DIAPH2: variants seen among roughly 807,000 people sequenced by gnomAD.
DIAPH2 encodes diaphanous related formin 2, also known as protein diaphanous homolog 2.
A neutral mutation model predicts 92.7 loss-of-function variants in DIAPH2; 35 were observed. That is an observed-to-expected ratio of 0.38 (90% CI 0.29 to 0.50). The LOEUF (loss-of-function observed/expected upper bound fraction) is 0.50. DIAPH2 is among the 20% of genes least tolerant of loss of function. The probability of loss-of-function intolerance (pLI) is 0.94; values close to 1 mark genes in which losing one functional copy is unlikely to be tolerated. For missense variants in DIAPH2, 701 were observed against 819.5 expected (o/e 0.86, Z 1.77); for synonymous variants, 301 against 280.4 (o/e 1.07, Z -0.73).
intron 17 of DIAPH2, among the ~76,000 whole-genome samples, chrX:97,013,331 G>A (rs1245279705): frequency 9.0e-6 from 1 of 111,573 alleles, no homozygotes; most frequent in African/African-American, 3.3e-5. Context: ...CTCTCCAACT[G>A]AAAACTGACA....
chrX:97,375,319 C>T (rs926412397), intron 24 of DIAPH2, among the ~76,000 whole-genome samples: 1 of 110,841 alleles, frequency 9.0e-6, no homozygotes, highest in Non-Finnish European at 1.9e-5. Context: ...ACCTGGGCGT[C>T]GTGGTGGGCA....
At chrX:96,722,077 C>T (rs185322265) in intron 1 of DIAPH2, among the ~76,000 whole-genome samples, 2 of 111,687 alleles carry the variant, frequency 1.8e-5, no homozygotes, top group Admixed American at 9.5e-5. Context: ...GACTCTTGGC[C>T]GGGCACAGTG....
At chrX:96,884,224 G>T in intron 5 of DIAPH2, 2 of 813,382 alleles carry the variant, frequency 2.5e-6, no homozygotes, top group East Asian at 6.6e-5. Context: ...TGGAGAGCTC[G>T]AAGCCTTCTG....
At chrX:96,869,669 T>A (rs1054162324) in intron 4 of DIAPH2, among the ~76,000 whole-genome samples, 6 of 110,481 alleles carry the variant, frequency 5.4e-5, no homozygotes, top group African/African-American at 2.0e-4. Flanking sequence ...GCTTGAATAA[T>A]TTAGGTGAAC....
intron 23 of DIAPH2, among the ~76,000 whole-genome samples, chrX:97,251,566 G>A (rs986710574): frequency 9.1e-6 from 1 of 110,413 alleles, no homozygotes; most frequent in African/African-American, 3.3e-5. Context: ...TGGGAATACA[G>A]GCACACGCCA....
chrX:97,488,408 T>G (rs1264463095), intron 26 of DIAPH2, among the ~76,000 whole-genome samples: 1 of 112,240 alleles, frequency 8.9e-6, no homozygotes, highest in Non-Finnish European at 1.9e-5. Flanking sequence ...TTTTGTAAAT[T>G]GCCTTTTCAT....
chrX:97,583,140 T>C lies in DIAPH2; in HGVS notation c.3242-16113T>C, dbSNP rs187588249. Among the ~76,000 whole-genome samples the C allele has an allele frequency of 4.0e-3, 449 of 111,751 alleles. 6 individuals are homozygous for C. Among genetic ancestry groups the C allele is most frequent in the African/African-American group, 0.014 (426 of 30,783 alleles). ...TTGAATATCCTCCCGTAGCTCAGAG[T>C]AATTTGATCGTCTGAAGTCTTCTTC... is the stretch of plus-strand genomic sequence containing the variant. On this transcript the variant is annotated intron_variant, in intron 26 of 26. Coordinates refer to ENST00000324765, the MANE Select transcript of DIAPH2 (RefSeq NM_006729.5).
chrX:97,182,098 A>G (rs768429461), intron 22 of DIAPH2, among the ~76,000 whole-genome samples: 1 of 111,593 alleles, frequency 9.0e-6, no homozygotes, highest in Admixed American at 9.6e-5. Context: ...GTAAAGCTTC[A>G]GAGAGGTGAT....
intron 19 of DIAPH2, among the ~76,000 whole-genome samples, chrX:97,082,472 A>T (rs1318415859): frequency 9.2e-6 from 1 of 108,707 alleles, no homozygotes; most frequent in African/African-American, 3.4e-5. Context: ...AAAAAAAAAA[A>T]AATACAAAAA....
chrX:96,790,644 G>GA (rs1459427811), intron 4 of DIAPH2, among the ~76,000 whole-genome samples: 2 of 110,487 alleles, frequency 1.8e-5, no homozygotes, highest in East Asian at 2.8e-4. Context: ...AATAAAGAGG[G>GA]AAAAAAAATC....
At chrX:97,364,648 C>T (rs1259823469) in intron 24 of DIAPH2, among the ~76,000 whole-genome samples, 1 of 110,969 alleles carries the variant, frequency 9.0e-6, no homozygotes, top group Non-Finnish European at 1.9e-5. Flanking sequence ...AGATTTCCTC[C>T]CTACTCTACC....
chrX:96,924,524 A>G (rs1269296053), intron 9 of DIAPH2, among the ~76,000 whole-genome samples: 1 of 111,461 alleles, frequency 9.0e-6, no homozygotes, highest in Non-Finnish European at 1.9e-5. Context: ...CCTCAGCACT[A>G]TTTGGCACTA....
At chrX:97,067,656 C>T (rs185290843) in intron 17 of DIAPH2, among the ~76,000 whole-genome samples, 50 of 111,600 alleles carry the variant, frequency 4.5e-4, no homozygotes, top group East Asian at 1.7e-3. Flanking sequence ...ATCAACAATA[C>T]GCAAGATTAG....
intron 23 of DIAPH2, among the ~76,000 whole-genome samples, chrX:97,294,632 A>G (rs2068628172): frequency 8.9e-6 from 1 of 111,987 alleles, no homozygotes; most frequent in African/African-American, 3.2e-5. Context: ...CACTTAATAT[A>G]ACAATTTAGA....
intron 7 of DIAPH2, among the ~76,000 whole-genome samples, chrX:96,913,457 G>A (rs1406389881): frequency 8.9e-6 from 1 of 111,790 alleles, no homozygotes; most frequent in African/African-American, 3.2e-5. Flanking sequence ...TTACATGAAA[G>A]TTATACTTTG....
In DIAPH2 at chrX:96,713,417, A is replaced by G. The variant is rs1413795883; in HGVS notation, c.133-22341A>G. On this transcript the variant is annotated intron_variant, in intron 1 of 26. Coordinates refer to ENST00000324765, the MANE Select transcript of DIAPH2 (RefSeq NM_006729.5). The stretch of plus-strand genomic sequence containing the variant: ...GTTCTCATATTCCCTCTATTCCCAC[A>G]CACCCACAGGTTACCTGCTATTGAC... Among the ~76,000 whole-genome samples the G allele has an allele frequency of 2.7e-5, 3 of 110,796 alleles. No individual in the cohort carries two copies. The East Asian group carries it at 8.5e-4, about 32-fold the overall frequency.
At chrX:97,000,693 A>G in intron 17 of DIAPH2, among the ~76,000 whole-genome samples, 1 of 111,112 alleles carries the variant, frequency 9.0e-6, no homozygotes. Context: ...ATTTCCTTTA[A>G]ATGAAAAATG....
At chrX:97,491,119 G>T (rs1410288127) in intron 26 of DIAPH2, among the ~76,000 whole-genome samples, 1 of 111,502 alleles carries the variant, frequency 9.0e-6, no homozygotes, top group Non-Finnish European at 1.9e-5. Context: ...ATTTATAATT[G>T]TTATATCTTC....
intron 4 of DIAPH2, among the ~76,000 whole-genome samples, chrX:96,767,525 T>C (rs1291237287): frequency 8.9e-6 from 1 of 112,215 alleles, no homozygotes; most frequent in East Asian, 2.8e-4. Flanking sequence ...TTGCAAATAG[T>C]AGGTCTGAAT....
Sources: gnomAD v4.1 joint callset for allele counts (sites outside exome capture counted in the v4.1 genomes callset) on GRCh38, gnomAD v4.1.1 for gene constraint, MANE v1.5 for transcripts, NCBI Gene and HGNC (gene_info 2026-07-23, HGNC 2026-07-21) for gene names.